NAPSA: variants seen among roughly 807,000 people sequenced by gnomAD.
The protein encoded by NAPSA is napsin A aspartic peptidase, also known as napsin-A.
In NAPSA, 37 loss-of-function variants were observed where a neutral mutation model predicts 36.7. That is an observed-to-expected ratio of 1.01 (90% confidence interval 0.78 to 1.33). The LOEUF (loss-of-function observed/expected upper bound fraction) is 1.33, where lower values mean the gene tolerates loss of function less well. Ranked by LOEUF, NAPSA falls within the 40% of genes most tolerant of loss-of-function variation. NAPSA has a pLI of 0.00. For missense variants in NAPSA, 532 were observed against 543.8 expected (o/e 0.98, Z 0.21); for synonymous variants, 222 against 234.5 (o/e 0.95, Z 0.49).
upstream of NAPSA, among the ~76,000 whole-genome samples, chr19:50,366,364 T>C (rs2037549796): frequency 6.6e-6 from 1 of 152,096 alleles, no homozygotes; most frequent in South Asian, 2.1e-4. Context: ...CCTCCTAAAG[T>C]GCTGGGATTA....
chr19:50,362,385 G>T (rs2037490635), intron 1 of NAPSA, 72 bp from the exon 2 acceptor site: 4 of 1,417,248 alleles, frequency 2.8e-6, no homozygotes, highest in South Asian at 2.8e-5. Flanking sequence ...ACCCAAATAG[G>T]ATATGATGAC....
Position 50,358,636 on chromosome 19 carries a change from C to T in NAPSA, c.1180G>A (p.Ala394Thr), listed in dbSNP as rs757907641. The change falls in exon 9 of 9, where the codon GCC (alanine) becomes ACC (threonine). Residue 394 changes from alanine to threonine, a missense_variant. Ala to Thr is a moderately conservative substitution (Grantham distance 58). This residue lies in a region of NAPSA where 385 missense variants were observed against 371.5 expected (regional missense o/e 1.04). Transcript: ENST00000253719. ...VFDRGDMKSS[A>T]RVGLARARTR... is the part of the protein sequence containing the mutation. ...CGAGCGCGCGCCAGGCCCACCCGGG[C>T]GCTGCTCTTCATGTCCCCGCGGTCG... is the stretch of plus-strand genomic sequence containing the variant. 52 of 1,612,882 alleles carry T rather than the reference C, an allele frequency of 3.2e-5. No homozygotes were observed. The highest frequency in any genetic ancestry group is 4.3e-5 in the Non-Finnish European group (51 of 1,179,876).
At chr19:50,367,361 G>A (rs990005557), upstream of NAPSA, among the ~76,000 whole-genome samples, 23 of 152,344 alleles carry the variant, frequency 1.5e-4, 1 homozygote, top group African/African-American at 5.5e-4. Context: ...GTACTTGGGT[G>A]TTGTGATCTA....
In NAPSA at chr19:50,362,254, C is replaced by T. The variant is rs776306839; in HGVS notation, c.143G>A (p.Arg48Lys). Reference protein sequence around the residue: ...RRILNLLRGWREPAELPKLGA... With the variant: ...RRILNLLRGWKEPAELPKLGA... ...CAACTTGGGGAGCTCTGCTGGTTCT[C>T]TCCATCCCCTCAGTAGGTTCAGGAT... The change falls in exon 2 of 9, where the codon AGA (arginine) becomes AAA (lysine). Residue 48 changes from arginine (R) to lysine (K), a missense_variant. Around this residue, in one of 3 missense-constraint regions of NAPSA, gnomAD observed 102 missense variants for 93.6 expected, o/e 1.09. Coordinates refer to ENST00000253719, the MANE Select transcript of NAPSA (RefSeq NM_004851.3). 1 of 1,614,106 alleles carries T rather than the reference C, an allele frequency of 6.2e-7. No homozygotes were observed. Among genetic ancestry groups the T allele is most frequent in the Non-Finnish European group, 8.5e-7 (1 of 1,179,982 alleles).
At chr19:50,363,573 T>A (rs1601127403) in intron 1 of NAPSA, among the ~76,000 whole-genome samples, 1 of 150,586 alleles carries the variant, frequency 6.6e-6, no homozygotes, top group East Asian at 1.9e-4. Context: ...ATTTATTAAT[T>A]TTTTTTTTAG....
intron 1 of NAPSA, among the ~76,000 whole-genome samples, chr19:50,363,410 T>C (rs998076959): frequency 6.6e-5 from 10 of 152,100 alleles, no homozygotes; most frequent in African/African-American, 2.4e-4. Flanking sequence ...AAACAGGGTC[T>C]CCCTCTGTCA....
At chr19:50,368,441 G>C (rs1385404454), upstream of NAPSA, among the ~76,000 whole-genome samples, 2 of 152,116 alleles carry the variant, frequency 1.3e-5, no homozygotes, top group African/African-American at 4.8e-5. Flanking sequence ...GCAGTGAGCC[G>C]TCATCACGCC....
rs1178280971 is a variant in NAPSA at position 50,361,068 on chromosome 19, C to G, written c.541G>C (p.Ala181Pro). ...AGGCCCAATATCCCATCAAAATGGG[C>G]AAAAGCGAAGACCAGGCTGGGCTCC... is the stretch of plus-strand genomic sequence containing the variant. ...LWEPSLVFAFAHFDGILGLGF... is the reference protein window; with the variant it reads ...LWEPSLVFAFPHFDGILGLGF... Residue 181 changes from alanine (A) to proline (P), a missense_variant, in exon 5 of 9, where the codon GCC (alanine) becomes CCC (proline). Physicochemically the swap from Ala to Pro is conservative, Grantham distance 27 (BLOSUM62 -1). Coordinates refer to ENST00000253719, the MANE Select transcript of NAPSA (RefSeq NM_004851.3). The G allele has an allele frequency of 6.2e-7, 1 of 1,614,014 alleles. No homozygotes were observed. The highest frequency in any genetic ancestry group is 8.5e-7 in the Non-Finnish European group (1 of 1,180,032).
rs1004219727 is a variant in NAPSA at position 50,361,317 on chromosome 19, T to C, written c.469-177A>G. 52 of 609,044 alleles carry C rather than the reference T, an allele frequency of 8.5e-5. 1 individual carries two copies. Among genetic ancestry groups the C allele is most frequent in the Non-Finnish European group, 1.3e-4 (47 of 349,604 alleles). The allele number at this position is 609,044 out of a possible 1,614,324, so 37.7% of individuals were successfully genotyped here. A position where few individuals can be genotyped will look rare whatever the true frequency, so the allele number is the denominator to read the frequency against. ...ACCCCTTCACCCAGGAACCCCTTTC[T>C]TCTCCTTGAGAAGCCCCACCTCTTC... On this transcript the variant is annotated intron_variant, in intron 4 of 8. Transcript: ENST00000253719.
At chr19:50,361,203 T>G in intron 4 of NAPSA, 63 bp from the exon 5 acceptor site, 2 of 1,416,424 alleles carry the variant, frequency 1.4e-6, no homozygotes, top group Non-Finnish European at 2.0e-6. Flanking sequence ...TGTCCTGAGG[T>G]CTCCCAAACC....
In NAPSA at chr19:50,361,284, G is replaced by A. The variant is rs902003856; in HGVS notation, c.469-144C>T. On this transcript the variant is annotated intron_variant, in intron 4 of 8. Coordinates refer to ENST00000253719, the MANE Select transcript of NAPSA (RefSeq NM_004851.3). Reference sequence around the variant, plus strand: ...CTTCCTAGGAAACTATGCCTCTTGAGAAGCCCCACCCCTTCACCCAGGAAC... The same window carrying A: ...CTTCCTAGGAAACTATGCCTCTTGAAAAGCCCCACCCCTTCACCCAGGAAC... The A allele has an allele frequency of 4.4e-6, 3 of 677,144 alleles. No individual in the cohort carries two copies. In the Admixed American group the frequency reaches 7.9e-5, roughly 18 times the overall value. The allele number at this position is 677,144 out of a possible 1,614,324, so 41.9% of individuals were successfully genotyped here.
chr19:50,368,604 C>T (rs550557738), upstream of NAPSA, among the ~76,000 whole-genome samples: 1 of 152,200 alleles, frequency 6.6e-6, no homozygotes, highest in Admixed American at 6.5e-5. Flanking sequence ...TCACCACCCC[C>T]CTTTGTTTTC....
At chr19:50,364,528 T>C (rs2037518098) in intron 1 of NAPSA, among the ~76,000 whole-genome samples, 1 of 139,338 alleles carries the variant, frequency 7.2e-6, no homozygotes, top group Non-Finnish European at 1.5e-5. Context: ...GGCAGGAGAA[T>C]GATGTGAACC....
In NAPSA at chr19:50,359,523, T is replaced by C; in HGVS notation, c.916A>G (p.Ile306Val). Residue 306 changes from isoleucine (I) to valine (V), a missense_variant, in exon 7 of 9, where the codon ATC (isoleucine) becomes GTC (valine). Transcript: ENST00000253719. ...CTCACCTCCCCAGCCAGCAAGGGGA[T>C]TCCCCCAATGGCTGCATGCAGGGCC... is the stretch of plus-strand genomic sequence containing the variant. Reference protein sequence around the residue: ...IRALHAAIGGIPLLAGEYIIL... With the variant: ...IRALHAAIGGVPLLAGEYIIL... The C allele has an allele frequency of 6.2e-7, 1 of 1,614,116 alleles. No homozygotes were observed. The highest frequency in any genetic ancestry group is 8.5e-7 in the Non-Finnish European group (1 of 1,180,014).
rs768771488 is a variant in NAPSA at position 50,359,587 on chromosome 19, C to T, written c.852G>A (p.Thr284=). Residue 284 remains threonine (T), a synonymous_variant, in exon 7 of 9, where the codon ACG becomes ACA. Coordinates refer to ENST00000253719, the MANE Select transcript of NAPSA (RefSeq NM_004851.3). ...TGGGTCCTGTGATGAGGGACGTGCC[C>T]GTATCCAGGATGGCAGCACAGCCCT... ...CAKGCAAILD[T]GTSLITGPTE... is the part of the protein sequence containing the mutation. The T allele has an allele frequency of 9.3e-6, 15 of 1,614,244 alleles. No homozygotes were observed. The highest frequency in any genetic ancestry group is 6.6e-5 in the South Asian group (6 of 91,090).
intron 4 of NAPSA, 161 bp downstream of exon 4, chr19:50,361,502 C>G (rs1049946976): frequency 3.0e-6 from 2 of 671,374 alleles, no homozygotes; most frequent in Non-Finnish European, 5.2e-6. Context: ...CTCCTTGTGA[C>G]GCACCATCCC....
intron 6 of NAPSA, 33 bp downstream of exon 6, chr19:50,359,707 C>G (rs1393169731): frequency 6.2e-7 from 1 of 1,614,238 alleles, no homozygotes; most frequent in South Asian, 1.1e-5. Flanking sequence ...CCCCCAGCCT[C>G]CAGCTCCAGA....
Position 50,360,687 on chromosome 19 carries a change from T to C in NAPSA, c.668+254A>G, listed in dbSNP as rs140818040. 3.9e-5 allele frequency among the ~76,000 whole-genome samples: 6 copies of C among 152,302 alleles called. No homozygotes were observed. The East Asian group carries it at 1.2e-3, about 29-fold the overall frequency. On this transcript the variant is annotated intron_variant, in intron 5 of 8. Transcript: ENST00000253719. ...TGGAGCATTCTGAACTGATGGTGGG[T>C]TTCCTTAGTATGTCTTAAGTTGTCA...
intron 7 of NAPSA, 112 bp downstream of exon 7, chr19:50,359,391 G>T: frequency 7.2e-7 from 1 of 1,393,934 alleles, no homozygotes; most frequent in Non-Finnish European, 9.8e-7. Context: ...TCCAGTGCCT[G>T]CTGCCCTGGA....
Sources: allele counts gnomAD v4.1 joint callset (sites outside exome capture counted in the v4.1 genomes callset), GRCh38; gene constraint gnomAD v4.1.1; regional missense constraint gnomAD v4.1.1; transcripts MANE v1.5; gene names NCBI Gene and HGNC (gene_info 2026-07-23, HGNC 2026-07-21).